ADAMTS17: variants seen among roughly 807,000 people sequenced by gnomAD.
ADAMTS17 encodes ADAM metallopeptidase with thrombospondin type 1 motif 17.
Under a neutral mutation model 141.5 loss-of-function variants are expected in ADAMTS17, and 113 were observed. That is an observed-to-expected ratio of 0.80 (90% CI 0.69 to 0.93). ADAMTS17 has a LOEUF of 0.93. Among genes scored for constraint, ADAMTS17 ranks in the 40% least tolerant of loss-of-function variants. The pLI is 0.00. For missense variants in ADAMTS17, 1,659 were observed against 1,517.9 expected (o/e 1.09, Z -1.54); for synonymous variants, 768 against 630.6 (o/e 1.22, Z -3.27).
chr15:99,984,765 A>G (rs1012484956), intron 20 of ADAMTS17, among the ~76,000 whole-genome samples: 2 of 152,248 alleles, frequency 1.3e-5, no homozygotes, highest in Non-Finnish European at 2.9e-5. Flanking sequence ...GGTCAATGAC[A>G]AAAAAGCACT....
chr15:100,126,086 GC>G, intron 12 of ADAMTS17: 1 of 152,380 alleles, frequency 6.6e-6, no homozygotes, highest in Non-Finnish European at 1.5e-5. Context: ...TGGCTCTGAG[GC>G]CCTGGTCAGC....
chr15:100,154,427 T>C lies in ADAMTS17; in HGVS notation c.1322+753A>G, dbSNP rs544711429. 9.9e-5 allele frequency among the ~76,000 whole-genome samples: 15 copies of C among 152,230 alleles called. No individual in the cohort carries two copies. In the South Asian group the frequency reaches 3.1e-3, roughly 32 times the overall value. On this transcript the variant is annotated intron_variant, in intron 9 of 21. Coordinates refer to ENST00000268070, the MANE Select transcript of ADAMTS17 (RefSeq NM_139057.4). ...CCTTTGCCACTACATCCTGAATTCGTCGGGTACTTGAATGTGCTACTGGAC... is the reference window on the plus strand; with the variant it reads ...CCTTTGCCACTACATCCTGAATTCGCCGGGTACTTGAATGTGCTACTGGAC...
chr15:100,324,206 G>A (rs559432263), intron 3 of ADAMTS17, among the ~76,000 whole-genome samples: 1 of 152,200 alleles, frequency 6.6e-6, no homozygotes, highest in East Asian at 1.9e-4. Context: ...TTGGGAGGCT[G>A]AGGCAGGAGA....
intron 14 of ADAMTS17, among the ~76,000 whole-genome samples, chr15:100,104,082 A>C (rs933558608): frequency 2.6e-5 from 4 of 152,202 alleles, no homozygotes; most frequent in African/African-American, 4.8e-5. Flanking sequence ...GGTGTGCACA[A>C]ACCAGTAAGG....
chr15:100,340,892 T>G, intron 2 of ADAMTS17, 147 bp downstream of exon 2: 5 of 1,225,128 alleles, frequency 4.1e-6, no homozygotes, highest in Non-Finnish European at 4.5e-6. Flanking sequence ...GGGTGGGGGA[T>G]GGGGAGAGGT....
Position 100,058,206 on chromosome 15 carries a change from A to AC in ADAMTS17, c.2138-4153dup, listed in dbSNP as rs1341037716. ...CTAACACCCCTATCCCAGCTCCAAC[A>AC]CCCCTATTCCGGCTCCAACACTCCT... is the stretch of plus-strand genomic sequence containing the variant. On this transcript the variant is annotated intron_variant, in intron 15 of 21. Coordinates refer to ENST00000268070, the MANE Select transcript of ADAMTS17 (RefSeq NM_139057.4). Among the ~76,000 whole-genome samples, 13 of 14,806 alleles carry AC rather than the reference A, an allele frequency of 8.8e-4. 3 individuals carry two copies. Among genetic ancestry groups the AC allele is most frequent in the Non-Finnish European group, 1.9e-3 (9 of 4,646 alleles). 9.7% of individuals were successfully genotyped at this position (14,806 alleles called of 152,430 possible). A position where few individuals can be genotyped will look rare whatever the true frequency, so the allele number is the denominator to read the frequency against.
chr15:100,017,411 T>C (rs2061312117), intron 18 of ADAMTS17, among the ~76,000 whole-genome samples: 1 of 152,202 alleles, frequency 6.6e-6, no homozygotes. Flanking sequence ...AATTATTACA[T>C]AGTTCAGCTG....
chr15:100,303,795 T>C (rs751528714), intron 3 of ADAMTS17, among the ~76,000 whole-genome samples: 9 of 152,312 alleles, frequency 5.9e-5, no homozygotes, highest in South Asian at 2.1e-4. Context: ...TCTCAGCTCA[T>C]TGCAACCTCT....
chr15:99,992,017 T>G (rs1385348139), intron 20 of ADAMTS17, among the ~76,000 whole-genome samples: 1 of 151,786 alleles, frequency 6.6e-6, no homozygotes, highest in Non-Finnish European at 1.5e-5. Context: ...CACCAGGGAC[T>G]GTCGTAGGGT....
Position 100,341,882 on chromosome 15 carries a change from C to A in ADAMTS17, c.18G>T (p.Leu6=). 1 of 1,551,586 alleles carries A rather than the reference C, an allele frequency of 6.4e-7. No homozygotes were observed. The change falls in exon 1 of 22, where the codon CTG becomes CTT. Residue 6 remains leucine (L), a synonymous_variant. Transcript: ENST00000268070. MCDGA[L]LPPLVLPVLL... is the part of the protein sequence containing the mutation. ...GCACGGGCAGGACGAGCGGAGGCAGCAGGGCGCCGTCACACATGGTACCCG... is the reference window on the plus strand; with the variant it reads ...GCACGGGCAGGACGAGCGGAGGCAGAAGGGCGCCGTCACACATGGTACCCG...
intron 13 of ADAMTS17, 57 bp downstream of exon 13, chr15:100,116,790 T>C (rs1415705345): frequency 6.2e-6 from 10 of 1,612,342 alleles, no homozygotes; most frequent in African/African-American, 4.0e-5. Flanking sequence ...AGGTGGTTTT[T>C]ATATTCTTAG....
intron 21 of ADAMTS17, among the ~76,000 whole-genome samples, chr15:99,975,369 C>T (rs1417050094): frequency 1.1e-4 from 16 of 152,104 alleles, no homozygotes; most frequent in Non-Finnish European, 1.8e-4. Context: ...GCCACCACGC[C>T]CGGCTGATTT....
At chr15:99,999,874 CCCTCCTTGTCCCAGAGCA>C (rs2060884929) in intron 18 of ADAMTS17, among the ~76,000 whole-genome samples, 1 of 152,148 alleles carries the variant, frequency 6.6e-6, no homozygotes, top group African/African-American at 2.4e-5. Context: ...CCCAGGTTGT[CCCTCCTTGTCCCAGAGCA>C]CCTCCTCTGG....
chr15:100,072,684 C>T (rs529418528), intron 15 of ADAMTS17, among the ~76,000 whole-genome samples: 6,284 of 151,894 alleles, frequency 0.041, 447 homozygotes, highest in African/African-American at 0.14. Flanking sequence ...TAAATGGTGG[C>T]GGGAAAACTG....
At chr15:100,245,397 G>A (rs779731373) in intron 7 of ADAMTS17, among the ~76,000 whole-genome samples, 25 of 152,248 alleles carry the variant, frequency 1.6e-4, no homozygotes, top group Non-Finnish European at 2.8e-4. Context: ...AAGGGGAGCT[G>A]CTTTGCTTGC....
chr15:100,213,995 C>T (rs1279593670), intron 7 of ADAMTS17, among the ~76,000 whole-genome samples: 1 of 152,202 alleles, frequency 6.6e-6, no homozygotes, highest in South Asian at 2.1e-4. Flanking sequence ...GCTGAGAAGG[C>T]CCTGAAAGTG....
At chr15:100,062,243 A>G (rs1227613568) in intron 15 of ADAMTS17, among the ~76,000 whole-genome samples, 1 of 152,146 alleles carries the variant, frequency 6.6e-6, no homozygotes, top group African/African-American at 2.4e-5. Flanking sequence ...TCAAGGTCTT[A>G]CCCTGGCAGC....
intron 15 of ADAMTS17, among the ~76,000 whole-genome samples, chr15:100,088,287 G>A (rs2035235096): frequency 6.6e-6 from 1 of 152,212 alleles, no homozygotes; most frequent in Admixed American, 6.5e-5. Context: ...TACAAGGGAT[G>A]TGAAGGACCT....
rs1179965297 is a variant in ADAMTS17 at position 100,071,402 on chromosome 15, A to G, written c.2138-17348T>C. 4.0e-5 allele frequency among the ~76,000 whole-genome samples: 6 copies of G among 150,082 alleles called. 1 individual carries two copies. The highest frequency in any genetic ancestry group is 4.4e-5 in the Non-Finnish European group (3 of 67,484). On this transcript the variant is annotated intron_variant, in intron 15 of 21. Transcript: ENST00000268070. ...CCCTAACTCATTTTATGAGGCCAGCATCATCCTGATACCAAAGCCTGGCAG... is the reference window on the plus strand; with the variant it reads ...CCCTAACTCATTTTATGAGGCCAGCGTCATCCTGATACCAAAGCCTGGCAG...
Sources: gnomAD v4.1 joint callset for allele counts (sites outside exome capture counted in the v4.1 genomes callset) on GRCh38, gnomAD v4.1.1 for gene constraint, MANE v1.5 for transcripts, NCBI Gene and HGNC (gene_info 2026-07-23, HGNC 2026-07-21) for gene names.